Variants in RSPO2 observed in about 807,000 individuals in gnomAD.
RSPO2 encodes the protein R-spondin-2.
In RSPO2, 14 loss-of-function variants were observed where a neutral mutation model predicts 30.9. That is an observed-to-expected ratio of 0.45 (90% CI 0.30 to 0.71). The LOEUF is 0.71. Among genes scored for constraint, RSPO2 ranks in the 30% least tolerant of loss-of-function variants. The pLI is 0.08. For missense variants in RSPO2, 264 were observed against 301.9 expected, an observed-to-expected ratio of 0.87 and a Z score of 0.93; for synonymous variants, 107 against 96.4, an observed-to-expected ratio of 1.11 and a Z score of -0.64.
At chr8:107,947,225 G>A in intron 5 of RSPO2, among the ~76,000 whole-genome samples, 1 of 152,078 alleles carries the variant, frequency 6.6e-6, no homozygotes, top group East Asian at 1.9e-4. Flanking sequence ...TTTCATCCTT[G>A]ACCTGAATAT....
rs774864985 is a variant in RSPO2 at position 108,006,098 on chromosome 8, A to C, written c.95-16854T>G. Among the ~76,000 whole-genome samples, 13 of 152,316 alleles carry C rather than the reference A, an allele frequency of 8.5e-5. No homozygotes were observed. The South Asian group carries it at 1.9e-3, about 22-fold the overall frequency. ...CCTATACTTTAAGAACATAATTTTA[A>C]AAGTTCAGAAGAAACACGTTTGTGT... On this transcript the variant is annotated intron_variant, in intron 2 of 5. Transcript: ENST00000276659.
intron 2 of RSPO2, among the ~76,000 whole-genome samples, chr8:108,080,049 G>A (rs1813144741): frequency 6.6e-6 from 1 of 152,078 alleles, no homozygotes; most frequent in Admixed American, 6.5e-5. Flanking sequence ...ATCAATCAGT[G>A]GACATGAGAT....
intron 2 of RSPO2, among the ~76,000 whole-genome samples, chr8:108,017,244 C>T (rs1391842954): frequency 2.6e-5 from 4 of 152,130 alleles, no homozygotes; most frequent in Non-Finnish European, 4.4e-5. Flanking sequence ...GTCTCGATCT[C>T]ATGACCTCGT....
chr8:107,965,884 T>C (rs1813786317), intron 3 of RSPO2, among the ~76,000 whole-genome samples: 1 of 152,148 alleles, frequency 6.6e-6, no homozygotes, highest in African/African-American at 2.4e-5. Flanking sequence ...TGAAAACAAT[T>C]ATACTGGAGA....
intron 2 of RSPO2, among the ~76,000 whole-genome samples, chr8:108,058,494 C>A (rs143848530): frequency 1.1e-4 from 16 of 152,074 alleles, no homozygotes; most frequent in African/African-American, 3.9e-4. Flanking sequence ...TTGGAAAAAA[C>A]TACTTTAAAG....
chr8:107,963,680 T>C (rs1169418886), intron 3 of RSPO2, among the ~76,000 whole-genome samples: 1 of 152,096 alleles, frequency 6.6e-6, no homozygotes, highest in Non-Finnish European at 1.5e-5. Flanking sequence ...ATGTTATTTT[T>C]CTGAATCATA....
chr8:108,060,339 A>T (rs986226003), intron 2 of RSPO2, among the ~76,000 whole-genome samples: 3 of 151,892 alleles, frequency 2.0e-5, no homozygotes, highest in African/African-American at 7.3e-5. Context: ...AAGTCCTTAA[A>T]TGACCTGATG....
At chr8:107,943,381 GA>G (rs1184666066) in intron 5 of RSPO2, among the ~76,000 whole-genome samples, 1 of 152,096 alleles carries the variant, frequency 6.6e-6, no homozygotes, top group Non-Finnish European at 1.5e-5. Context: ...AAAAAACTTT[GA>G]AATATGGGTG....
chr8:107,970,731 T>C (rs1007776707), intron 3 of RSPO2, among the ~76,000 whole-genome samples: 16 of 152,372 alleles, frequency 1.1e-4, no homozygotes, highest in Non-Finnish European at 8.8e-5. Flanking sequence ...TTTTAATTTC[T>C]TGCTTGCTGT....
At chr8:107,973,390 C>A (rs530751568) in intron 3 of RSPO2, among the ~76,000 whole-genome samples, 7,044 of 152,032 alleles carry the variant, frequency 0.046, 297 homozygotes, top group African/African-American at 0.11. Flanking sequence ...GTACAGTTGA[C>A]CCTTGCACAA....
chr8:108,033,118 C>T (rs545844739), intron 2 of RSPO2, among the ~76,000 whole-genome samples: 3 of 149,692 alleles, frequency 2.0e-5, no homozygotes, highest in African/African-American at 4.9e-5. Context: ...CCAAGCTGGT[C>T]TCGAACTTCT....
rs554224594 is a variant in RSPO2 at position 108,054,942 on chromosome 8, T to C, written c.94+27603A>G. On this transcript the variant is annotated intron_variant, in intron 2 of 5. Coordinates refer to ENST00000276659, the MANE Select transcript of RSPO2 (RefSeq NM_178565.5). ...AAGCCTGGGCAACAAAGCAAAACCC[T>C]GTCTCTAACAAAACAAAACAAAACA... 1.4e-3 allele frequency among the ~76,000 whole-genome samples: 206 copies of C among 152,052 alleles called. 1 individual carries two copies. The highest frequency in any genetic ancestry group is 4.8e-3 in the African/African-American group (201 of 41,492).
At chr8:108,055,521 C>G (rs1812217459) in intron 2 of RSPO2, among the ~76,000 whole-genome samples, 2 of 152,160 alleles carry the variant, frequency 1.3e-5, no homozygotes. Flanking sequence ...AGGCCATGGA[C>G]AGGTTCGGAA....
chr8:107,967,800 T>C (rs1813857761), intron 3 of RSPO2, among the ~76,000 whole-genome samples: 1 of 152,138 alleles, frequency 6.6e-6, no homozygotes, highest in Non-Finnish European at 1.5e-5. Context: ...ATGTGGAGAA[T>C]ATAGTGGCCA....
intron 5 of RSPO2, among the ~76,000 whole-genome samples, chr8:107,919,704 C>T (rs1024819345): frequency 5.8e-4 from 88 of 152,248 alleles, no homozygotes; most frequent in African/African-American, 2.1e-3. Flanking sequence ...TATTTCATCT[C>T]TGACCTGACC....
chr8:107,983,252 A>G, intron 3 of RSPO2: 4 of 1,586,790 alleles, frequency 2.5e-6, no homozygotes, highest in Non-Finnish European at 3.4e-6. Flanking sequence ...GAAGCTATGA[A>G]GCTGACACAG....
rs181763167 is a variant in RSPO2, at chr8:107,976,802, C to T, written c.283+12254G>A. 3.7e-4 allele frequency among the ~76,000 whole-genome samples: 57 copies of T among 152,318 alleles called. 1 individual carries two copies. The highest frequency in any genetic ancestry group is 1.4e-3 in the African/African-American group (57 of 41,572). On this transcript the variant is annotated intron_variant, in intron 3 of 5. Transcript: ENST00000276659. ...GTCTACAAACACTCCCCTCCTCTTC[C>T]TTTCTTTTAAACTATTGCACAAAAT...
At chr8:107,988,163 C>T (rs1287566112) in intron 3 of RSPO2, among the ~76,000 whole-genome samples, 1 of 152,008 alleles carries the variant, frequency 6.6e-6, no homozygotes, top group African/African-American at 2.4e-5. Flanking sequence ...TGAAAAATTG[C>T]ACCCTCATTA....
At chr8:108,051,569 A>T (rs1249810606) in intron 2 of RSPO2, among the ~76,000 whole-genome samples, 2 of 152,246 alleles carry the variant, frequency 1.3e-5, no homozygotes, top group African/African-American at 4.8e-5. Flanking sequence ...CAGAAGACTC[A>T]GGGTCTTATC....
Sources: allele counts gnomAD v4.1 joint callset (sites outside exome capture counted in the v4.1 genomes callset), GRCh38; gene constraint gnomAD v4.1.1; transcripts MANE v1.5; gene names NCBI Gene and HGNC (gene_info 2026-07-23, HGNC 2026-07-21).